Variants in OSBPL1A observed in about 807,000 individuals in gnomAD.
The protein encoded by OSBPL1A is oxysterol-binding protein-related protein 1.
In OSBPL1A, 80 loss-of-function variants were observed where a neutral mutation model predicts 137.1. The ratio of observed to expected loss-of-function variants is 0.58; its 90% CI spans 0.49 to 0.70. OSBPL1A has a LOEUF of 0.70. Among genes scored for constraint, OSBPL1A ranks in the 30% least tolerant of loss-of-function variants. The pLI, the probability that OSBPL1A is intolerant of heterozygous loss-of-function variation, is 0.00. For missense variants in OSBPL1A, 970 were observed against 1,129.4 expected, an observed-to-expected ratio of 0.86 and a Z score of 2.02; for synonymous variants, 365 against 389.7, an observed-to-expected ratio of 0.94 and a Z score of 0.75.
At chr18:24,179,882 C>T (rs1567924257) in intron 19 of OSBPL1A, 47 bp from the exon 20 acceptor site, 1 of 1,495,052 alleles carries the variant, frequency 6.7e-7, no homozygotes. Context: ...CGAGCTCGCT[C>T]CGCATTCTTT....
intron 13 of OSBPL1A, chr18:24,311,324 G>T: frequency 3.4e-6 from 1 of 293,704 alleles, no homozygotes; most frequent in Non-Finnish European, 5.1e-6. Context: ...TATTCAGACT[G>T]AAACTCATCA....
At chr18:24,365,230 C>T (rs2091686980) in intron 4 of OSBPL1A, among the ~76,000 whole-genome samples, 1 of 152,048 alleles carries the variant, frequency 6.6e-6, no homozygotes, top group Admixed American at 6.6e-5. Flanking sequence ...ATGGATGAAC[C>T]TCAACGACAT....
chr18:24,243,555 T>C (rs865812020), intron 15 of OSBPL1A, among the ~76,000 whole-genome samples: 2 of 152,140 alleles, frequency 1.3e-5, no homozygotes, highest in African/African-American at 4.8e-5. Flanking sequence ...CCCATAAATA[T>C]CCAGTCCCCT....
chr18:24,210,825 C>G (rs745582350), intron 17 of OSBPL1A, among the ~76,000 whole-genome samples: 1 of 152,038 alleles, frequency 6.6e-6, no homozygotes, highest in Non-Finnish European at 1.5e-5. Context: ...TGTGAGCCAT[C>G]GTATCTGGTA....
intron 13 of OSBPL1A, among the ~76,000 whole-genome samples, chr18:24,306,898 A>T (rs909104852): frequency 6.6e-6 from 1 of 152,160 alleles, no homozygotes. Flanking sequence ...CGCTATTACA[A>T]GCAGTGGTGC....
At chr18:24,191,747 C>T (rs1031105094) in intron 18 of OSBPL1A, among the ~76,000 whole-genome samples, 5 of 152,058 alleles carry the variant, frequency 3.3e-5, no homozygotes, top group South Asian at 4.1e-4. Flanking sequence ...TGAGTTAACT[C>T]GGTAAATGGA....
At chr18:24,260,664 G>C (rs2146040862) in intron 15 of OSBPL1A, among the ~76,000 whole-genome samples, 1 of 152,230 alleles carries the variant, frequency 6.6e-6, no homozygotes, top group Non-Finnish European at 1.5e-5. Flanking sequence ...GAGAGACAGG[G>C]AGTATTTAAT....
Position 24,341,533 on chromosome 18 carries a change from T to A in OSBPL1A, c.394+14A>T, listed in dbSNP as rs1472713574. ...AAAGTAAATGCTGTTTATGTTCACA[T>A]CCATGATATTTACCTTCAAGCATGC... On this transcript the variant is annotated intron_variant, in intron 5 of 27. Coordinates refer to ENST00000319481, the MANE Select transcript of OSBPL1A (RefSeq NM_080597.4). 1.3e-6 allele frequency: 2 copies of A among 1,587,086 alleles called. No individual in the cohort carries two copies. Among genetic ancestry groups the A allele is most frequent in the Non-Finnish European group, 1.7e-6 (2 of 1,157,474 alleles).
intron 17 of OSBPL1A, among the ~76,000 whole-genome samples, chr18:24,198,948 C>A (rs2087127472): frequency 6.6e-6 from 1 of 151,600 alleles, no homozygotes; most frequent in African/African-American, 2.4e-5. Context: ...ACCTCCACCT[C>A]CCGGGTTCAA....
chr18:24,221,216 G>A (rs1007113015), intron 17 of OSBPL1A, among the ~76,000 whole-genome samples: 15 of 152,192 alleles, frequency 9.9e-5, no homozygotes, highest in African/African-American at 2.4e-4. Flanking sequence ...CTTAGCTTAC[G>A]TTTTCAGCCT....
At position 24,368,343 on chromosome 18, in the gene OSBPL1A, G is replaced by T; in HGVS notation, c.151C>A (p.Pro51Thr). ...GRSKSNLGWT[P>T]LHLACYFGHR... ...CCAAAATAGCATGCCAGATGTAGAG[G>T]TGTCCAGCCCAAGTTAGACTTACTT... The change falls in exon 3 of 28, where the codon CCT becomes ACT. Residue 51 changes from proline (P) to threonine (T), a missense_variant. By Grantham distance (38) the Pro-to-Thr change is conservative. Transcript: ENST00000319481. 1.2e-6 allele frequency: 2 copies of T among 1,613,576 alleles called. No homozygotes were observed. Among genetic ancestry groups the T allele is most frequent in the Non-Finnish European group, 8.5e-7 (1 of 1,179,552 alleles).
chr18:24,178,852 A>G (rs1424336448), intron 20 of OSBPL1A, among the ~76,000 whole-genome samples: 1 of 152,212 alleles, frequency 6.6e-6, no homozygotes, highest in East Asian at 1.9e-4. Flanking sequence ...ACTTGTGCAG[A>G]GAAGAGGAGG....
chr18:24,238,817 T>G (rs1051268084), intron 16 of OSBPL1A, among the ~76,000 whole-genome samples: 1 of 152,226 alleles, frequency 6.6e-6, no homozygotes, highest in Non-Finnish European at 1.5e-5. Flanking sequence ...ACCAAGCACT[T>G]GCGCTTCGTT....
intron 1 of OSBPL1A, among the ~76,000 whole-genome samples, chr18:24,384,741 GC>G (rs1380521237): frequency 1.3e-5 from 2 of 151,592 alleles, no homozygotes; most frequent in Admixed American, 1.3e-4. Flanking sequence ...GTGGTGGTGG[GC>G]CCCTGTAATC....
chr18:24,206,697 C>A (rs1467638620), intron 17 of OSBPL1A, among the ~76,000 whole-genome samples: 1 of 152,140 alleles, frequency 6.6e-6, no homozygotes, highest in African/African-American at 2.4e-5. Flanking sequence ...TCTTCTGCAC[C>A]CAGCCTTGGG....
chr18:24,233,888 A>T (rs1038059074), intron 16 of OSBPL1A, among the ~76,000 whole-genome samples: 1 of 152,188 alleles, frequency 6.6e-6, no homozygotes, highest in African/African-American at 2.4e-5. Flanking sequence ...CCTGGCCTCA[A>T]GTGATCCACT....
In OSBPL1A at chr18:24,333,083, T is replaced by G; in HGVS notation, c.484A>C (p.Asn162His). 1 of 1,612,938 alleles carries G rather than the reference T, an allele frequency of 6.2e-7. No individual in the cohort carries two copies. The highest frequency in any genetic ancestry group is 8.5e-7 in the Non-Finnish European group (1 of 1,179,482). ...TTAACATCAGGAGGATTGGGCCTGT[T>G]GAGCTAACAATTAAAAAAATGCAAT... Reference protein sequence around the residue: ...GKTTELTALLNRPNPPDVNCS... With the variant: ...GKTTELTALLHRPNPPDVNCS... Residue 162 changes from asparagine (N) to histidine (H), a missense_variant, in exon 7 of 28, where the codon AAC (asparagine) becomes CAC (histidine). Asn to His is a moderately conservative substitution (Grantham distance 68, BLOSUM62 1). Around this residue, in one of 2 missense-constraint regions of OSBPL1A, gnomAD observed 647 missense variants for 672.6 expected, o/e 0.96. Coordinates refer to ENST00000319481, the MANE Select transcript of OSBPL1A (RefSeq NM_080597.4).
At chr18:24,326,282 C>G (rs1398127635) in intron 7 of OSBPL1A, among the ~76,000 whole-genome samples, 1 of 152,168 alleles carries the variant, frequency 6.6e-6, no homozygotes, top group Admixed American at 6.6e-5. Context: ...ACTCTATTTA[C>G]AACCTGTCAA....
At chr18:24,283,637 G>A (rs2090009860) in intron 14 of OSBPL1A, among the ~76,000 whole-genome samples, 1 of 152,008 alleles carries the variant, frequency 6.6e-6, no homozygotes, top group Non-Finnish European at 1.5e-5. Flanking sequence ...ACTGTGGACC[G>A]AGGACTGAGG....
Sources: gnomAD v4.1 joint callset for allele counts (sites outside exome capture counted in the v4.1 genomes callset) on GRCh38, gnomAD v4.1.1 for gene constraint, gnomAD v4.1.1 regional missense constraint, MANE v1.5 for transcripts, NCBI Gene and HGNC (gene_info 2026-07-23, HGNC 2026-07-21) for gene names.